The following PPP1CC variants were observed in gnomAD, a reference collection of about 807,000 sequenced individuals.
The protein encoded by PPP1CC is protein phosphatase 1 catalytic subunit gamma.
A neutral mutation model predicts 38.4 loss-of-function variants in PPP1CC; 16 were observed. That is an observed-to-expected ratio of 0.42 (90% confidence interval 0.28 to 0.63). The LOEUF (loss-of-function observed/expected upper bound fraction) is 0.63. Among genes scored for constraint, PPP1CC ranks in the 30% least tolerant of loss-of-function variants. The pLI is 0.25. For missense variants in PPP1CC, 170 were observed against 391.3 expected (o/e 0.43, Z 4.77); for synonymous variants, 158 against 136.0 (o/e 1.16, Z -1.13).
chr12:110,721,038 A>C lies in PPP1CC; in HGVS notation c.*38T>G, dbSNP rs1043692769. The C allele has an allele frequency of 6.4e-7, 1 of 1,562,792 alleles. No individual in the cohort carries two copies. Among genetic ancestry groups the C allele is most frequent in the Non-Finnish European group, 8.8e-7 (1 of 1,133,534 alleles). ...CTTAAAAATGAAGGTTATATACTCT[A>C]TGTTACAAGTCCCGACTAGGCAGTG... On this transcript the variant is annotated 3_prime_UTR_variant, in exon 7 of 7. Transcript: ENST00000335007.
At chr12:110,731,735 T>G (rs375531423) in intron 2 of PPP1CC, 35 bp downstream of exon 2, 2 of 1,587,408 alleles carry the variant, frequency 1.3e-6, no homozygotes, top group East Asian at 4.5e-5. Flanking sequence ...TAATCAATCA[T>G]GTAACAAAAG....
intron 3 of PPP1CC, 152 bp downstream of exon 3, chr12:110,730,377 C>A: frequency 1.4e-6 from 1 of 695,890 alleles, no homozygotes; most frequent in East Asian, 2.9e-5. Context: ...CCTAAAAAAG[C>A]TAAGCTAAAA....
rs1033328589 is a variant in PPP1CC, at chr12:110,735,086, A to T, written c.56-3185T>A. The T allele has an allele frequency of 2.8e-5, 4 of 144,440 alleles. No individual in the cohort carries two copies. In the East Asian group the frequency reaches 8.4e-4, roughly 30 times the overall value. The allele number at this position is 144,440 out of a possible 1,614,324, so 8.9% of individuals were successfully genotyped here. ...CTTTCTTTTTTTGAGATGGAGTCTC[A>T]CTCTGTTGCCAGGCTGGAGTGCAGT... is the stretch of plus-strand genomic sequence containing the variant. On this transcript the variant is annotated intron_variant, in intron 1 of 6. Transcript: ENST00000335007.
the PPP1CC span, among the ~76,000 whole-genome samples, chr12:110,710,083 C>T: frequency 1.3e-5 from 2 of 151,198 alleles, no homozygotes; most frequent in South Asian, 2.1e-4. Flanking sequence ...AATTAGTAAA[C>T]TAGAAGATAG....
chr12:110,729,572 C>G (rs1943470035), intron 3 of PPP1CC, among the ~76,000 whole-genome samples: 2 of 152,146 alleles, frequency 1.3e-5, no homozygotes, highest in Admixed American at 6.5e-5. Context: ...CAAAATGGGT[C>G]ACAAAATGTG....
At chr12:110,736,097 AAAAC>A (rs140070828) in intron 1 of PPP1CC, among the ~76,000 whole-genome samples, 2,696 of 150,404 alleles carry the variant, frequency 0.018, 83 homozygotes, top group African/African-American at 0.061. Context: ...ACTCCGTCTC[AAAAC>A]AAACAAACAA....
chr12:110,742,647 C>A lies in PPP1CC; in HGVS notation c.55+6G>T, dbSNP rs534898518. The A allele has an allele frequency of 2.0e-6, 3 of 1,483,466 alleles. No homozygotes were observed. The highest frequency in any genetic ancestry group is 2.2e-5 in the Admixed American group (1 of 44,872). 91.9% of individuals were successfully genotyped at this position (1,483,466 alleles called of 1,614,324 possible). A position where few individuals can be genotyped will look rare whatever the true frequency, so the allele number is the denominator to read the frequency against. ...TCCCCCTTCAGCCGCCCGCCGCCCC[C>A]CTTACCTTCCAGCAGCCGTTGGATA... On this transcript the variant is annotated splice_donor_region_variant and intron_variant, in intron 1 of 6. Coordinates refer to ENST00000335007, the MANE Select transcript of PPP1CC (RefSeq NM_002710.4).
At chr12:110,712,635 C>CAAAAAAAA in the PPP1CC span, among the ~76,000 whole-genome samples, 1 of 37,664 alleles carries the variant, frequency 2.7e-5, no homozygotes, top group Non-Finnish European at 4.4e-5. Context: ...GAAACTGTCT[C>CAAAAAAAA]AAAAAAAAAA....
intron 1 of PPP1CC, among the ~76,000 whole-genome samples, chr12:110,742,328 C>T (rs958964548): frequency 1.3e-5 from 2 of 152,152 alleles, no homozygotes; most frequent in African/African-American, 4.8e-5. Context: ...CTCCAAAGAC[C>T]CGTCCAGTGC....
At chr12:110,723,402 C>T (rs963332469) in intron 4 of PPP1CC, among the ~76,000 whole-genome samples, 1 of 152,210 alleles carries the variant, frequency 6.6e-6, no homozygotes, top group Non-Finnish European at 1.5e-5. Context: ...TTTTTGATGG[C>T]TGATTAATTT....
At chr12:110,714,409 C>A in the PPP1CC span, among the ~76,000 whole-genome samples, 3 of 152,040 alleles carry the variant, frequency 2.0e-5, no homozygotes, top group Admixed American at 1.3e-4. Flanking sequence ...AATCTGGGTC[C>A]TTCACTTATG....
downstream of PPP1CC, among the ~76,000 whole-genome samples, chr12:110,714,792 C>A (rs919474741): frequency 1.0e-5 from 1 of 100,364 alleles, no homozygotes; most frequent in African/African-American, 4.1e-5. Context: ...GGCGACAGAG[C>A]AAGACTCTGT....
intron 2 of PPP1CC, among the ~76,000 whole-genome samples, chr12:110,731,185 C>A (rs1375269578): frequency 6.6e-6 from 1 of 150,916 alleles, no homozygotes; most frequent in East Asian, 1.9e-4. Context: ...AGCACATACA[C>A]ACATACACAC....
chr12:110,738,691 C>T lies in PPP1CC; in HGVS notation c.55+3962G>A, dbSNP rs4076297. ...AACACCCTAGGCTCAGAATGCAGAG[C>T]GCTCCTGTGTGTCACATCCCCCGCA... On this transcript the variant is annotated intron_variant, in intron 1 of 6. Coordinates refer to ENST00000335007, the MANE Select transcript of PPP1CC (RefSeq NM_002710.4). Among the ~76,000 whole-genome samples the T allele has an allele frequency of 2.2e-3, 331 of 152,310 alleles. 8 individuals carry two copies. The highest frequency in any genetic ancestry group is 0.021 in the Admixed American group (314 of 15,284).
At position 110,720,725 on chromosome 12, in the gene PPP1CC, A is replaced by G. The variant is rs1285157600; in HGVS notation, c.*351T>C. Reference sequence around the variant, plus strand: ...TAGGGCTCTCTTTATGTCCTAAAGAAAATGAGCATTTACATGATTATGGGT... The same window carrying G: ...TAGGGCTCTCTTTATGTCCTAAAGAGAATGAGCATTTACATGATTATGGGT... On this transcript the variant is annotated 3_prime_UTR_variant, in exon 7 of 7. Coordinates refer to ENST00000335007, the MANE Select transcript of PPP1CC (RefSeq NM_002710.4). 3.4e-5 allele frequency: 7 copies of G among 204,966 alleles called. No individual in the cohort carries two copies. Among genetic ancestry groups the G allele is most frequent in the Middle Eastern group, 1.9e-3 (1 of 528 alleles). The allele number at this position is 204,966 out of a possible 1,614,324, so 12.7% of individuals were successfully genotyped here.
At chr12:110,729,767 T>C (rs954554972) in intron 3 of PPP1CC, among the ~76,000 whole-genome samples, 9 of 152,214 alleles carry the variant, frequency 5.9e-5, no homozygotes, top group African/African-American at 1.7e-4. Flanking sequence ...AGTAGATTAG[T>C]GGTTGCCTGG....
chr12:110,724,616 G>A (rs1351758533), intron 4 of PPP1CC, 44 bp downstream of exon 4: 2 of 1,121,492 alleles, frequency 1.8e-6, no homozygotes, highest in Non-Finnish European at 1.4e-6. Context: ...TTCACCCTTT[G>A]GAAGGGATCA....
chr12:110,712,670 G>T, the PPP1CC span, among the ~76,000 whole-genome samples: 1 of 149,358 alleles, frequency 6.7e-6, no homozygotes, highest in Admixed American at 6.7e-5. Flanking sequence ...AAAAAAAGGG[G>T]GGGCACTGAA....
chr12:110,720,395 A>C lies in PPP1CC; in HGVS notation c.*681T>G. 3 of 481,340 alleles carry C rather than the reference A, an allele frequency of 6.2e-6. No individual in the cohort carries two copies. Among genetic ancestry groups the C allele is most frequent in the Non-Finnish European group, 1.1e-5 (3 of 272,870 alleles). The allele number at this position is 481,340 out of a possible 1,614,324, so 29.8% of individuals were successfully genotyped here. A position where few individuals can be genotyped will look rare whatever the true frequency, so the allele number is the denominator to read the frequency against. On this transcript the variant is annotated 3_prime_UTR_variant, in exon 7 of 7. Transcript: ENST00000335007. ...CTTGTACTTAGGGGTGTGTCAAAAC[A>C]TAATTCAACAGAAACTTTGGCTTTA...
Sources: allele counts gnomAD v4.1 joint callset (sites outside exome capture counted in the v4.1 genomes callset), GRCh38; gene constraint gnomAD v4.1.1; transcripts MANE v1.5; gene names NCBI Gene and HGNC (gene_info 2026-07-23, HGNC 2026-07-21).